Variants in CNOT8 observed in about 807,000 individuals in gnomAD.
CNOT8 encodes the protein CAF1-like protein.
Under a neutral mutation model 34.6 loss-of-function variants are expected in CNOT8, and 18 were observed. That is an observed-to-expected ratio of 0.52 (90% CI 0.36 to 0.77). The LOEUF (loss-of-function observed/expected upper bound fraction) is 0.77. Among genes scored for constraint, CNOT8 ranks in the 30% least tolerant of loss-of-function variants. The pLI is 0.00. For synonymous variants in CNOT8, 101 were observed against 118.8 expected (o/e 0.85, Z 0.98); for missense variants, 189 against 347.9 (o/e 0.54, Z 3.63).
chr5:154,872,673 C>T, intron 6 of CNOT8, 22 bp downstream of exon 6: 2 of 1,490,252 alleles, frequency 1.3e-6, no homozygotes, highest in Non-Finnish European at 9.3e-7. Flanking sequence ...TGAATGTGAT[C>T]ACAGGCCTCT....
At chr5:154,862,940 G>A (rs1056463277) in intron 1 of CNOT8, among the ~76,000 whole-genome samples, 1 of 152,156 alleles carries the variant, frequency 6.6e-6, no homozygotes, top group African/African-American at 2.4e-5. Flanking sequence ...AAAAACTAGG[G>A]TAGTGGTTTC....
Position 154,863,250 on chromosome 5 carries a change from C to G in CNOT8, c.-29C>G. 1 of 1,528,744 alleles carries G rather than the reference C, an allele frequency of 6.5e-7. No individual in the cohort carries two copies. Among genetic ancestry groups the G allele is most frequent in the Non-Finnish European group, 9.1e-7 (1 of 1,101,994 alleles). The allele number at this position is 1,528,744 out of a possible 1,614,324, so 94.7% of individuals were successfully genotyped here. ...TGGCTTGCACTGTAAAACTAGTTAG[C>G]TGAAGACGACTTCTCAGGTTTCTTC... On this transcript the variant is annotated 5_prime_UTR_variant, in exon 2 of 7. Coordinates refer to ENST00000285896, the MANE Select transcript of CNOT8 (RefSeq NM_001301073.2).
At chr5:154,862,028 G>A (rs1424927271) in intron 1 of CNOT8, among the ~76,000 whole-genome samples, 2 of 152,042 alleles carry the variant, frequency 1.3e-5, no homozygotes, top group East Asian at 1.9e-4. Context: ...GGCCTTGTAC[G>A]TTGTTTGCCA....
At chr5:154,863,867 C>T (rs1298077813) in intron 2 of CNOT8, among the ~76,000 whole-genome samples, 2 of 151,714 alleles carry the variant, frequency 1.3e-5, no homozygotes, top group Non-Finnish European at 1.5e-5. Flanking sequence ...TTTGACTATA[C>T]GATGTTAAGA....
chr5:154,867,789 C>A, intron 3 of CNOT8: 1 of 178,920 alleles, frequency 5.6e-6, no homozygotes, highest in South Asian at 7.7e-5. Context: ...CTAGGAAATA[C>A]GAGGTAAAGA....
intron 3 of CNOT8, among the ~76,000 whole-genome samples, chr5:154,869,328 AG>A (rs1302682674): frequency 6.0e-5 from 9 of 150,910 alleles, no homozygotes; most frequent in African/African-American, 2.2e-4. Context: ...CATGTTGGTC[AG>A]GCTGGTCTCG....
intron 3 of CNOT8, among the ~76,000 whole-genome samples, chr5:154,867,206 G>C (rs1008668327): frequency 2.0e-5 from 3 of 152,132 alleles, no homozygotes; most frequent in African/African-American, 7.2e-5. Context: ...CTTTAGAGTG[G>C]AATATTATGA....
intron 2 of CNOT8, among the ~76,000 whole-genome samples, chr5:154,864,571 T>A (rs1285262897): frequency 4.6e-5 from 7 of 152,234 alleles, no homozygotes; most frequent in Admixed American, 4.6e-4. Flanking sequence ...AATGGCTGTT[T>A]CACTTCCCTG....
chr5:154,870,236 GTTGT>G (rs1762356605), intron 3 of CNOT8, among the ~76,000 whole-genome samples: 1 of 146,744 alleles, frequency 6.8e-6, no homozygotes, highest in Non-Finnish European at 1.5e-5. Context: ...GTGTGTGTGT[GTTGT>G]TTTTTTTTTG....
Position 154,865,803 on chromosome 5 carries a change from T to C in CNOT8, c.311+418T>C, listed in dbSNP as rs1258341865. ...GAATTTTGGGGGAAATTCTGGAAAATAGTTTTGCAGTTCCTGAAAAGGTTA... is the reference window on the plus strand; with the variant it reads ...GAATTTTGGGGGAAATTCTGGAAAACAGTTTTGCAGTTCCTGAAAAGGTTA... On this transcript the variant is annotated intron_variant, in intron 3 of 6. Coordinates refer to ENST00000285896, the MANE Select transcript of CNOT8 (RefSeq NM_001301073.2). 6.6e-5 allele frequency among the ~76,000 whole-genome samples: 10 copies of C among 152,256 alleles called. No homozygotes were observed. In the East Asian group the frequency reaches 1.5e-3, roughly 24 times the overall value.
chr5:154,861,902 G>A (rs1462068733), intron 1 of CNOT8, among the ~76,000 whole-genome samples: 1 of 152,158 alleles, frequency 6.6e-6, no homozygotes, highest in East Asian at 1.9e-4. Context: ...GTTTCACCGT[G>A]TTAGCCAGGA....
At chr5:154,861,504 CATT>C (rs1336510060) in intron 1 of CNOT8, among the ~76,000 whole-genome samples, 1 of 152,218 alleles carries the variant, frequency 6.6e-6, no homozygotes, top group Admixed American at 6.5e-5. Context: ...TCCAGATTCT[CATT>C]GTTGCATCTG....
intron 5 of CNOT8, among the ~76,000 whole-genome samples, chr5:154,872,162 G>A (rs1762534781): frequency 6.6e-6 from 1 of 152,218 alleles, no homozygotes; most frequent in Non-Finnish European, 1.5e-5. Context: ...GATGGGGTCT[G>A]TGGTATAACA....
At chr5:154,871,409 A>C (rs1459227235) in intron 4 of CNOT8, among the ~76,000 whole-genome samples, 1 of 152,098 alleles carries the variant, frequency 6.6e-6, no homozygotes, top group South Asian at 2.1e-4. Context: ...AAATACAAAA[A>C]TTAGCCAGGC....
At position 154,872,558 on chromosome 5, in the gene CNOT8, T is replaced by C. The variant is rs957237553; in HGVS notation, c.636T>C (p.Val212=). 6.2e-7 allele frequency: 1 copy of C among 1,611,672 alleles called. No homozygotes were observed. Among genetic ancestry groups the C allele is most frequent in the Non-Finnish European group, 8.5e-7 (1 of 1,178,826 alleles). The change falls in exon 6 of 7, where the codon GTT becomes GTC. Residue 212 remains valine, a synonymous_variant. Coordinates refer to ENST00000285896, the MANE Select transcript of CNOT8 (RefSeq NM_001301073.2). Reference sequence around the variant, plus strand: ...ATCTCCAGGGAGGTCTTCAGGAAGTTGCTGATCAGTTGGATTTGCAGAGGA... The same window carrying C: ...ATCTCCAGGGAGGTCTTCAGGAAGTCGCTGATCAGTTGGATTTGCAGAGGA... The part of the protein sequence containing the change: ...CKNLKGGLQE[V]ADQLDLQRIG...
In CNOT8 at chr5:154,876,134, T is replaced by TTAAG. The variant is rs1374558007; in HGVS notation, c.*697_*700dup. 6.6e-6 allele frequency: 1 copy of TTAAG among 152,262 alleles called. No homozygotes were observed. Among genetic ancestry groups the TTAAG allele is most frequent in the Non-Finnish European group, 1.5e-5 (1 of 68,052 alleles). 9.4% of individuals were successfully genotyped at this position (152,262 alleles called of 1,614,324 possible). A position where few individuals can be genotyped will look rare whatever the true frequency, so the allele number is the denominator to read the frequency against. On this transcript the variant is annotated 3_prime_UTR_variant, in exon 7 of 7. Transcript: ENST00000285896. ...TGAGTGTTGACCACTGAAGCATCTT[T>TTAAG]TAAGTCTGTGTTCCATTGTGCCATT... is the stretch of plus-strand genomic sequence containing the variant.
chr5:154,872,710 AG>A, intron 6 of CNOT8, 59 bp downstream of exon 6: 1 of 952,926 alleles, frequency 1.0e-6, no homozygotes. Flanking sequence ...AAGGCTAAGG[AG>A]GTAGTGGATG....
upstream of CNOT8, chr5:154,858,445 C>G (rs1448005881): frequency 6.6e-6 from 1 of 152,258 alleles, no homozygotes; most frequent in African/African-American, 2.4e-5. Flanking sequence ...CGAACACGCA[C>G]GGAGTCGCAG....
In CNOT8 at chr5:154,875,593, A is replaced by C. The variant is rs987892223; in HGVS notation, c.*154A>C. 31 of 804,034 alleles carry C rather than the reference A, an allele frequency of 3.9e-5. No homozygotes were observed. Among genetic ancestry groups the C allele is most frequent in the Non-Finnish European group, 3.4e-5 (18 of 536,330 alleles). 49.8% of individuals were successfully genotyped at this position (804,034 alleles called of 1,614,324 possible). Reference sequence around the variant, plus strand: ...AGACTTTTGTTTTACTGAAGACAAAAGATGTTTTTATTTTAGACCCAGAAG... The same window carrying C: ...AGACTTTTGTTTTACTGAAGACAAACGATGTTTTTATTTTAGACCCAGAAG... On this transcript the variant is annotated 3_prime_UTR_variant, in exon 7 of 7. Transcript: ENST00000285896.
Sources: gnomAD v4.1 joint callset for allele counts (sites outside exome capture counted in the v4.1 genomes callset) on GRCh38, gnomAD v4.1.1 for gene constraint, MANE v1.5 for transcripts, NCBI Gene and HGNC (gene_info 2026-07-23, HGNC 2026-07-21) for gene names.